HERC2: variants seen among roughly 807,000 people sequenced by gnomAD.
HERC2 encodes HECT and RLD domain containing E3 ubiquitin protein ligase 2.
Under a neutral mutation model 537.7 loss-of-function variants are expected in HERC2, and 102 were observed. The observed-to-expected ratio is 0.19, with a 90% CI of 0.16 to 0.22. The LOEUF (loss-of-function observed/expected upper bound fraction) is 0.22, where lower values mean the gene tolerates loss of function less well. HERC2 is among the 10% of genes least tolerant of loss of function. The pLI is 1.00. For synonymous variants in HERC2, 2,224 were observed against 2,466.2 expected, an observed-to-expected ratio of 0.90 and a Z score of 2.91; for missense variants, 4,236 against 6,198.2, an observed-to-expected ratio of 0.68 and a Z score of 10.63.
chr15:28,197,629 G>A (rs975001051), intron 50 of HERC2, among the ~76,000 whole-genome samples: 6 of 152,168 alleles, frequency 3.9e-5, no homozygotes, highest in Admixed American at 2.0e-4. Context: ...GTGGGCACCT[G>A]TAATCCCAGC....
chr15:28,162,807 T>C (rs560882538), intron 69 of HERC2, among the ~76,000 whole-genome samples: 2 of 152,176 alleles, frequency 1.3e-5, no homozygotes, highest in South Asian at 2.1e-4. Context: ...AGGAGAATGG[T>C]GTGAACCCAG....
Position 28,192,188 on chromosome 15 carries a change from C to A in HERC2, c.8261-37G>T, listed in dbSNP as rs560635555. 1.6e-5 allele frequency: 25 copies of A among 1,540,070 alleles called. No individual in the cohort carries two copies. The Admixed American group carries it at 2.6e-4, about 16-fold the overall frequency. Reference sequence around the variant, plus strand: ...TAGTCAAAAAGAGAATTAACCCTTGCTGAACTGGGGAGAAACATCATGATC... The same window carrying A: ...TAGTCAAAAAGAGAATTAACCCTTGATGAACTGGGGAGAAACATCATGATC... On this transcript the variant is annotated intron_variant, in intron 52 of 92. Transcript: ENST00000261609.
chr15:28,196,715 C>G, intron 50 of HERC2, 146 bp from the exon 51 acceptor site: 1 of 583,730 alleles, frequency 1.7e-6, no homozygotes. Flanking sequence ...TACTAAAATG[C>G]TTATGGATGA....
At chr15:28,254,542 T>C (rs1408024768) in intron 19 of HERC2, 24 bp from the exon 20 acceptor site, 1 of 1,524,522 alleles carries the variant, frequency 6.6e-7, no homozygotes, top group African/African-American at 1.4e-5. Flanking sequence ...AAAGAAATTG[T>C]TTACAAGTGA....
Position 28,120,472 on chromosome 15 carries a change from A to G in HERC2, c.13272+874T>C, listed in dbSNP as rs12913832. 0.49 allele frequency among the ~76,000 whole-genome samples: 74,054 copies of G among 152,216 alleles called. 26,125 individuals are homozygous for G. Among genetic ancestry groups the G allele is most frequent in the Non-Finnish European group, 0.76 (51,909 of 67,982 alleles). On this transcript the variant is annotated intron_variant, in intron 86 of 92. Transcript: ENST00000261609. Reference sequence around the variant, plus strand: ...GAGGCCAGTTTCATTTGAGCATTAAATGTCAAGTTCTGCACGCTATCATCA... The same window carrying G: ...GAGGCCAGTTTCATTTGAGCATTAAGTGTCAAGTTCTGCACGCTATCATCA...
At chr15:28,288,179 G>A (rs972199178) in intron 4 of HERC2, among the ~76,000 whole-genome samples, 5 of 152,234 alleles carry the variant, frequency 3.3e-5, no homozygotes, top group Admixed American at 3.3e-4. Context: ...GAAGGAAAAC[G>A]ATAACACAAG....
chr15:28,201,924 C>G (rs557184301), intron 47 of HERC2, among the ~76,000 whole-genome samples, 189 bp downstream of exon 47: 1 of 151,844 alleles, frequency 6.6e-6, no homozygotes, highest in African/African-American at 2.4e-5. Context: ...TATAGAAACC[C>G]AATCATCCCT....
chr15:28,260,694 C>G (rs1050413069), intron 16 of HERC2, 83 bp downstream of exon 16: 102 of 1,110,298 alleles, frequency 9.2e-5, no homozygotes, highest in Non-Finnish European at 1.2e-4. Flanking sequence ...AAACAAAACT[C>G]AGTGGTATTT....
intron 30 of HERC2, among the ~76,000 whole-genome samples, chr15:28,232,568 A>C (rs1017523481): frequency 2.0e-5 from 3 of 152,102 alleles, no homozygotes; most frequent in Non-Finnish European, 2.9e-5. Context: ...AAAAAAAAGA[A>C]TATAATCAGA....
In HERC2 at chr15:28,273,123, T is replaced by C. The variant is rs183604957; in HGVS notation, c.801-119A>G. 21 of 741,830 alleles carry C rather than the reference T, an allele frequency of 2.8e-5. No homozygotes were observed. In the East Asian group the frequency reaches 5.6e-4, roughly 20 times the overall value. The allele number at this position is 741,830 out of a possible 1,614,324, so 46.0% of individuals were successfully genotyped here. On this transcript the variant is annotated intron_variant, in intron 7 of 92. Transcript: ENST00000261609. ...AAAGGAAGGATGTATTTTTAATATTTAGGATCAAGTTTCTGATACTTGCTA... is the reference window on the plus strand; with the variant it reads ...AAAGGAAGGATGTATTTTTAATATTCAGGATCAAGTTTCTGATACTTGCTA...
At position 28,111,506 on chromosome 15, in the gene HERC2, AAC is replaced by A. The variant is rs1484577877; in HGVS notation, c.*255_*256del. 114 of 499,154 alleles carry A rather than the reference AAC, an allele frequency of 2.3e-4. No homozygotes were observed. The highest frequency in any genetic ancestry group is 5.1e-4 in the Middle Eastern group (1 of 1,968). The allele number at this position is 499,154 out of a possible 1,614,324, so 30.9% of individuals were successfully genotyped here. On this transcript the variant is annotated 3_prime_UTR_variant, in exon 93 of 93. Transcript: ENST00000261609. ...ATATAAACATTTACACACTTTAGTA[AAC>A]ACAGTCCTACATGTAATGCAGCATT...
chr15:28,168,588 T>A lies in HERC2; in HGVS notation c.10232A>T (p.Asp3411Val). The A allele has an allele frequency of 1.2e-6, 2 of 1,613,226 alleles. No homozygotes were observed. The highest frequency in any genetic ancestry group is 1.7e-6 in the Non-Finnish European group (2 of 1,179,542). ...LTALQIMYAR[D>V]AVVGALMPAA... ...CGGCATCAGGGCCCCGACAACAGCATCTCTGTCAGGACACAAAGCCAGGCC... is the reference window on the plus strand; with the variant it reads ...CGGCATCAGGGCCCCGACAACAGCAACTCTGTCAGGACACAAAGCCAGGCC... The change falls in exon 67 of 93, where the codon GAT (aspartate) becomes GTT (valine). Residue 3411 changes from aspartate to valine, a missense_variant and splice_region_variant. Coordinates refer to ENST00000261609, the MANE Select transcript of HERC2 (RefSeq NM_004667.6).
chr15:28,249,313 C>T (rs547108424), intron 20 of HERC2, among the ~76,000 whole-genome samples: 1 of 152,234 alleles, frequency 6.6e-6, no homozygotes, highest in South Asian at 2.1e-4. Context: ...CTCAGGGAGT[C>T]CAGGAAGGAA....
At chr15:28,167,588 A>G (rs1894275641) in intron 68 of HERC2, 99 bp downstream of exon 68, 1 of 1,409,240 alleles carries the variant, frequency 7.1e-7, no homozygotes, top group East Asian at 2.3e-5. Flanking sequence ...GGTGAATGGG[A>G]TAGGAATAGA....
In HERC2 at chr15:28,174,573, C is replaced by T. The variant is rs373351931; in HGVS notation, c.9879G>A (p.Thr3293=). 11 of 1,612,590 alleles carry T rather than the reference C, an allele frequency of 6.8e-6. No homozygotes were observed. The highest frequency in any genetic ancestry group is 9.3e-6 in the Non-Finnish European group (11 of 1,178,974). ...GTGTGGGCTTCCTGTTAACCGTGGT[C>T]GTGCCATTGCCCTGCTGGCCGTGGT... ...DNDHGQQGNG[T]TTVNRKPTLV... is the part of the protein sequence containing the mutation. The change falls in exon 65 of 93, where the codon ACG becomes ACA. Residue 3293 remains threonine (T), a synonymous_variant. Transcript: ENST00000261609.
chr15:28,212,105 A>G (rs1899304521), intron 43 of HERC2, among the ~76,000 whole-genome samples: 1 of 152,204 alleles, frequency 6.6e-6, no homozygotes, highest in South Asian at 2.1e-4. Flanking sequence ...GCTGTGAGCC[A>G]TGGTCCAACA....
intron 79 of HERC2, 106 bp downstream of exon 79, chr15:28,135,372 T>A (rs4778249): frequency 0.94 from 756,589 of 805,488 alleles, 363,197 homozygotes; most frequent in Non-Finnish European, 0.99. Flanking sequence ...TTTGAGAGTA[T>A]TGTAAATGTT....
chr15:28,210,456 A>G (rs1899065832), intron 44 of HERC2, among the ~76,000 whole-genome samples: 1 of 152,204 alleles, frequency 6.6e-6, no homozygotes, highest in Non-Finnish European at 1.5e-5. Context: ...TTATCTTTAC[A>G]TGCCTTTTCG....
intron 78 of HERC2, among the ~76,000 whole-genome samples, chr15:28,140,554 C>T (rs1216651856): frequency 6.6e-6 from 1 of 152,124 alleles, no homozygotes; most frequent in Non-Finnish European, 1.5e-5. Flanking sequence ...CAGAATCTCA[C>T]TCCGTCACCC....
Sources: allele counts gnomAD v4.1 joint callset (sites outside exome capture counted in the v4.1 genomes callset), GRCh38; gene constraint gnomAD v4.1.1; transcripts MANE v1.5; gene names NCBI Gene and HGNC (gene_info 2026-07-23, HGNC 2026-07-21).